The following ZNF90 variants were observed in gnomAD, a reference collection of about 807,000 sequenced individuals.
ZNF90 encodes zinc finger protein 90.
Under a neutral mutation model 12.0 loss-of-function variants are expected in ZNF90, and 11 were observed. That is an observed-to-expected ratio of 0.92 (90% CI 0.58 to 1.52). The LOEUF is 1.52. ZNF90 is among the 40% of genes most tolerant of loss of function. The pLI, the probability that ZNF90 is intolerant of heterozygous loss-of-function variation, is 0.00. For missense variants in ZNF90, 765 were observed against 711.5 expected, an observed-to-expected ratio of 1.08 and a Z score of -0.86; for synonymous variants, 232 against 240.1, an observed-to-expected ratio of 0.97 and a Z score of 0.31.
chr19:20,104,248 G>T lies in ZNF90; in HGVS notation c.13G>T (p.Glu5Ter). The T allele has an allele frequency of 6.2e-7, 1 of 1,613,954 alleles. No individual in the cohort carries two copies. Among genetic ancestry groups the T allele is most frequent in the Non-Finnish European group, 8.5e-7 (1 of 1,179,902 alleles). The part of the protein sequence containing the change: MGPL[E>*]FRDVAIEFSL... ...TATGTGTGTTTTTCAGGGACCATTGGAATTTAGAGATGTGGCCATAGAATT... is the reference window on the plus strand; with the variant it reads ...TATGTGTGTTTTTCAGGGACCATTGTAATTTAGAGATGTGGCCATAGAATT... Residue 5 changes from glutamate to a stop codon, truncating the protein, a stop_gained, in exon 2 of 4, where the codon GAA (glutamate) becomes TAA (stop). Transcript: ENST00000418063. LOFTEE classifies it high-confidence loss of function.
chr19:20,117,433 CTCCT>C (rs1457541798), intron 3 of ZNF90: 9 of 99,986 alleles, frequency 9.0e-5, no homozygotes, highest in African/African-American at 5.3e-4. Context: ...TCTTCCTTCC[CTCCT>C]TCCCTCCCTC....
At chr19:20,088,020 G>A (rs952183810) in intron 1 of ZNF90, among the ~76,000 whole-genome samples, 1 of 152,164 alleles carries the variant, frequency 6.6e-6, no homozygotes, top group East Asian at 1.9e-4. Flanking sequence ...ATCAGTTAAG[G>A]TGGGGCAGGG....
rs782113075 is a variant in ZNF90 at position 20,117,891 on chromosome 19, T to A, written c.337T>A (p.Leu113Ile). 8 of 1,611,278 alleles carry A rather than the reference T, an allele frequency of 5.0e-6. No homozygotes were observed. Among genetic ancestry groups the A allele is most frequent in the East Asian group, 4.5e-5 (2 of 44,846 alleles). ...YEKREYGNLELKKGCESVDEG... is the reference protein window; with the variant it reads ...YEKREYGNLEIKKGCESVDEG... ...AAAACGTGAATATGGCAATTTAGAGTTAAAAAAAGGTTGTGAAAGTGTGGA... is the reference window on the plus strand; with the variant it reads ...AAAACGTGAATATGGCAATTTAGAGATAAAAAAAGGTTGTGAAAGTGTGGA... Residue 113 changes from leucine (L) to isoleucine (I), a missense_variant, in exon 4 of 4, where the codon TTA (leucine) becomes ATA (isoleucine). Physicochemically the swap from Leu to Ile is conservative, Grantham distance 5 (BLOSUM62 2). Coordinates refer to ENST00000418063, the MANE Select transcript of ZNF90 (RefSeq NM_007138.2).
At chr19:20,099,820 G>A (rs534355386) in intron 1 of ZNF90, among the ~76,000 whole-genome samples, 4 of 152,208 alleles carry the variant, frequency 2.6e-5, no homozygotes, top group Non-Finnish European at 4.4e-5. Flanking sequence ...CTCTAAGTAT[G>A]CTTACTTAGT....
In ZNF90 at chr19:20,082,640, C is replaced by T. The variant is rs565640805; in HGVS notation, c.3+4505C>T. ...AGGGACACAAAACACTGTGGAAGGC[C>T]GCAGGGACCTCTGCCTAGGAAAGCC... is the stretch of plus-strand genomic sequence containing the variant. On this transcript the variant is annotated intron_variant, in intron 1 of 3. Transcript: ENST00000418063. 5.2e-4 allele frequency among the ~76,000 whole-genome samples: 79 copies of T among 152,228 alleles called. No homozygotes were observed. The South Asian group carries it at 0.016, about 30-fold the overall frequency.
At position 20,093,303 on chromosome 19, in the gene ZNF90, G is replaced by A. The variant is rs576758300; in HGVS notation, c.4-10936G>A. 8.4e-4 allele frequency among the ~76,000 whole-genome samples: 128 copies of A among 152,358 alleles called. 1 individual carries two copies. Among genetic ancestry groups the A allele is most frequent in the African/African-American group, 3.0e-3 (124 of 41,588 alleles). On this transcript the variant is annotated intron_variant, in intron 1 of 3. Transcript: ENST00000418063. ...GAGTTTATAGGTTTTAGAAGCCCAT[G>A]CTGTAGCAGGTGAGTGATAACAGGC...
chr19:20,083,054 G>C (rs1555701702), intron 1 of ZNF90, among the ~76,000 whole-genome samples: 1 of 152,084 alleles, frequency 6.6e-6, no homozygotes, highest in African/African-American at 2.4e-5. Flanking sequence ...TTTTCCTGCT[G>C]ACCCTTCCCC....
At chr19:20,099,956 T>C (rs1396358122) in intron 1 of ZNF90, among the ~76,000 whole-genome samples, 1 of 152,120 alleles carries the variant, frequency 6.6e-6, no homozygotes, top group African/African-American at 2.4e-5. Context: ...GAGGTGGCAG[T>C]CTTATACTGC....
intron 1 of ZNF90, among the ~76,000 whole-genome samples, chr19:20,089,570 A>G (rs1410508017): frequency 1.3e-5 from 2 of 152,182 alleles, no homozygotes; most frequent in Non-Finnish European, 2.9e-5. Flanking sequence ...AGGAGTGGCC[A>G]CTGGAATAGT....
Position 20,119,963 on chromosome 19 carries a change from C to T in ZNF90, c.*603C>T, listed in dbSNP as rs1338166342. 6.6e-6 allele frequency among the ~76,000 whole-genome samples: 1 copy of T among 152,124 alleles called. No homozygotes were observed. Among genetic ancestry groups the T allele is most frequent in the East Asian group, 1.9e-4 (1 of 5,198 alleles). On this transcript the variant is annotated 3_prime_UTR_variant, in exon 4 of 4. Coordinates refer to ENST00000418063, the MANE Select transcript of ZNF90 (RefSeq NM_007138.2). ...TACAAACTTGAAAGATGTGACAGTG[C>T]TTTTACCACCACCTCCAACTTTTCT...
intron 1 of ZNF90, among the ~76,000 whole-genome samples, chr19:20,101,775 T>A (rs1033378638): frequency 2.6e-5 from 4 of 151,962 alleles, no homozygotes; most frequent in Non-Finnish European, 4.4e-5. Context: ...GAAAAAAAAA[T>A]GGCTTTTCTT....
chr19:20,106,440 T>C (rs1384882970), intron 3 of ZNF90, among the ~76,000 whole-genome samples: 1 of 152,218 alleles, frequency 6.6e-6, no homozygotes, highest in Non-Finnish European at 1.5e-5. Context: ...CTGAATTTGA[T>C]GAAGCAAATA....
intron 1 of ZNF90, chr19:20,080,596 T>G: frequency 5.2e-6 from 1 of 192,498 alleles, no homozygotes; most frequent in Non-Finnish European, 1.1e-5. Context: ...TTTCTTCCAT[T>G]TGGCTTTTCC....
At chr19:20,087,721 G>A (rs2122480966) in intron 1 of ZNF90, 1 of 152,460 alleles carries the variant, frequency 6.6e-6, no homozygotes, top group South Asian at 2.1e-4. Flanking sequence ...CACCAAACAG[G>A]CTTTGTGTGA....
Position 20,118,713 on chromosome 19 carries a change from C to T in ZNF90, c.1159C>T (p.His387Tyr), listed in dbSNP as rs1218227721. ...AFISSSLLYK[H>Y]KISHSEKKPY... ...TATTTCATCCTCACTCCTTTATAAA[C>T]ATAAGATAAGTCATAGTGAAAAGAA... The change falls in exon 4 of 4, where the codon CAT becomes TAT. Residue 387 changes from histidine to tyrosine, a missense_variant. Transcript: ENST00000418063. 1 of 1,564,694 alleles carries T rather than the reference C, an allele frequency of 6.4e-7. No homozygotes were observed. Among genetic ancestry groups the T allele is most frequent in the Non-Finnish European group, 8.7e-7 (1 of 1,155,710 alleles).
chr19:20,098,483 C>T (rs1283165189), intron 1 of ZNF90, among the ~76,000 whole-genome samples: 1 of 152,176 alleles, frequency 6.6e-6, no homozygotes, highest in Non-Finnish European at 1.5e-5. Flanking sequence ...GAGATCAAGG[C>T]CACAAAATAT....
chr19:20,107,370 G>A lies in ZNF90; in HGVS notation c.226+2054G>A, dbSNP rs1401402647. Among the ~76,000 whole-genome samples, 8 of 152,132 alleles carry A rather than the reference G, an allele frequency of 5.3e-5. No individual in the cohort carries two copies. In the East Asian group the frequency reaches 7.7e-4, roughly 15 times the overall value. On this transcript the variant is annotated intron_variant, in intron 3 of 3. Transcript: ENST00000418063. Reference sequence around the variant, plus strand: ...TCCTGGTCTGTAGCCAAGAACAGCGGCCCTTTAGTTTCCCACCTAAATGAG... The same window carrying A: ...TCCTGGTCTGTAGCCAAGAACAGCGACCCTTTAGTTTCCCACCTAAATGAG...
chr19:20,078,065 G>A lies in ZNF90; in HGVS notation c.-68G>A. 6.2e-7 allele frequency: 1 copy of A among 1,609,266 alleles called. No individual in the cohort carries two copies. The highest frequency in any genetic ancestry group is 2.2e-5 in the East Asian group (1 of 44,842). On this transcript the variant is annotated 5_prime_UTR_variant, in exon 1 of 4. Transcript: ENST00000418063. ...TAGCTGCTTCGTGTCTTCTTCTCCAGCCTCTGTGGCCCTGTGACCTGCAGG... is the reference window on the plus strand; with the variant it reads ...TAGCTGCTTCGTGTCTTCTTCTCCAACCTCTGTGGCCCTGTGACCTGCAGG...
At chr19:20,098,227 G>A (rs1055607579) in intron 1 of ZNF90, among the ~76,000 whole-genome samples, 1 of 152,168 alleles carries the variant, frequency 6.6e-6, no homozygotes, top group African/African-American at 2.4e-5. Flanking sequence ...GATAAGGTCT[G>A]TCCTCTGCCA....
Sources: gnomAD v4.1 joint callset for allele counts (sites outside exome capture counted in the v4.1 genomes callset) on GRCh38, gnomAD v4.1.1 for gene constraint, MANE v1.5 for transcripts, NCBI Gene and HGNC (gene_info 2026-07-23, HGNC 2026-07-21) for gene names.